TRPC4AP: variants seen among roughly 807,000 people sequenced by gnomAD.
The protein encoded by TRPC4AP is short transient receptor potential channel 4-associated protein.
A neutral mutation model predicts 99.0 loss-of-function variants in TRPC4AP; 45 were observed. That is an observed-to-expected ratio of 0.45 (90% CI 0.36 to 0.58). TRPC4AP has a LOEUF of 0.58. TRPC4AP is among the 20% of genes least tolerant of loss of function. TRPC4AP has a pLI of 0.00. For missense variants in TRPC4AP, 879 were observed against 985.3 expected, an observed-to-expected ratio of 0.89 and a Z score of 1.44; for synonymous variants, 408 against 385.8, an observed-to-expected ratio of 1.06 and a Z score of -0.67.
At chr20:35,067,736 TGAAAA>T (rs2084180479) in intron 3 of TRPC4AP, among the ~76,000 whole-genome samples, 1 of 152,062 alleles carries the variant, frequency 6.6e-6, no homozygotes, top group Non-Finnish European at 1.5e-5. Flanking sequence ...TTACGCTAAG[TGAAAA>T]GAAGCCAGTC....
At position 35,007,546 on chromosome 20, in the gene TRPC4AP, A is replaced by G. The variant is rs376978235; in HGVS notation, c.1686+4T>C. 8 of 1,613,950 alleles carry G rather than the reference A, an allele frequency of 5.0e-6. No homozygotes were observed. Among genetic ancestry groups the G allele is most frequent in the African/African-American group, 4.0e-5 (3 of 74,934 alleles). On this transcript the variant is annotated splice_donor_region_variant and intron_variant, in intron 14 of 18. Coordinates refer to ENST00000252015, the MANE Select transcript of TRPC4AP (RefSeq NM_015638.3). ...CCCAAGACACTGGCTGCTCCAGATC[A>G]TACCTCCAAGAGGCCTCGCTTCAGC... is the stretch of plus-strand genomic sequence containing the variant.
chr20:35,041,847 A>T (rs1179554504), intron 7 of TRPC4AP, among the ~76,000 whole-genome samples: 1 of 152,218 alleles, frequency 6.6e-6, no homozygotes, highest in Non-Finnish European at 1.5e-5. Flanking sequence ...GGGGATACTA[A>T]TCTCTATTCC....
intron 2 of TRPC4AP, among the ~76,000 whole-genome samples, chr20:35,069,797 C>T (rs1302720718): frequency 6.6e-6 from 1 of 152,058 alleles, no homozygotes; most frequent in Non-Finnish European, 1.5e-5. Context: ...AAAAATTAGC[C>T]GGATGTGGTG....
chr20:35,072,605 T>G (rs1165917873), intron 2 of TRPC4AP, among the ~76,000 whole-genome samples: 1 of 152,208 alleles, frequency 6.6e-6, no homozygotes, highest in Non-Finnish European at 1.5e-5. Context: ...TATGCGGCAT[T>G]ATTTCTGAGG....
intron 16 of TRPC4AP, among the ~76,000 whole-genome samples, chr20:35,005,244 TG>T (rs981567532): frequency 2.0e-5 from 3 of 151,742 alleles, no homozygotes; most frequent in Non-Finnish European, 2.9e-5. Context: ...TTTGGGGGTG[TG>T]GGGGGGTCAC....
At chr20:35,040,321 G>A (rs568115460) in intron 7 of TRPC4AP, among the ~76,000 whole-genome samples, 1 of 152,248 alleles carries the variant, frequency 6.6e-6, no homozygotes, top group South Asian at 2.1e-4. Context: ...CCCTCAATGT[G>A]GGCAGGCACC....
intron 3 of TRPC4AP, among the ~76,000 whole-genome samples, chr20:35,065,914 CAAGT>C (rs2145982029): frequency 6.6e-6 from 1 of 152,042 alleles, no homozygotes; most frequent in East Asian, 1.9e-4. Context: ...TTGAGCTAGC[CAAGT>C]AAGTAAATGC....
chr20:35,068,982 A>C lies in TRPC4AP; in HGVS notation c.414+314T>G, dbSNP rs1442667307. Among the ~76,000 whole-genome samples, 11 of 85,192 alleles carry C rather than the reference A, an allele frequency of 1.3e-4. No individual in the cohort carries two copies. In the East Asian group the frequency reaches 2.6e-3, roughly 20 times the overall value. 55.9% of individuals were successfully genotyped at this position (85,192 alleles called of 152,430 possible). ...ACACACACACACACACACACACAAA[A>C]AAAACAAAACATCTTAAGCAGGACA... On this transcript the variant is annotated intron_variant, in intron 3 of 18. Transcript: ENST00000252015.
intron 7 of TRPC4AP, among the ~76,000 whole-genome samples, chr20:35,044,246 C>G (rs185903345): frequency 2.6e-5 from 4 of 151,530 alleles, no homozygotes; most frequent in East Asian, 1.9e-4. Context: ...CAAAAATTAG[C>G]CCGGTGTGGT....
At chr20:35,014,314 A>T (rs955572753) in intron 10 of TRPC4AP, among the ~76,000 whole-genome samples, 2 of 113,190 alleles carry the variant, frequency 1.8e-5, no homozygotes, top group Non-Finnish European at 3.4e-5. Flanking sequence ...CTCAGGCAGA[A>T]TTTTTTTTTT....
rs1028481666 is a variant in TRPC4AP at position 35,042,344 on chromosome 20, A to G, written c.865+2161T>C. Among the ~76,000 whole-genome samples the G allele has an allele frequency of 4.7e-4, 72 of 152,210 alleles. 1 individual carries two copies. Among genetic ancestry groups the G allele is most frequent in the Admixed American group, 4.2e-3 (64 of 15,276 alleles). ...TACAAAGTATAGTTATGATCACCTC[A>G]TGTTCCTAACTAAAACTAGACAATA... On this transcript the variant is annotated intron_variant, in intron 7 of 18. Coordinates refer to ENST00000252015, the MANE Select transcript of TRPC4AP (RefSeq NM_015638.3).
In TRPC4AP at chr20:35,069,360, C is replaced by G. The variant is rs759080326; in HGVS notation, c.350G>C (p.Arg117Thr). ...MEAMAFVTEE[R>T]KLTQETTYPN... ...ATAAGTGGTTTCTTGGGTAAGTTTC[C>G]TCTCTTCAGTAACAAATGCCATAGC... The change falls in exon 3 of 19, where the codon AGG becomes ACG. Residue 117 changes from arginine (R) to threonine (T), a missense_variant. Coordinates refer to ENST00000252015, the MANE Select transcript of TRPC4AP (RefSeq NM_015638.3). 5.0e-6 allele frequency: 8 copies of G among 1,612,838 alleles called. No homozygotes were observed. In the East Asian group the frequency reaches 1.8e-4, roughly 36 times the overall value.
intron 2 of TRPC4AP, among the ~76,000 whole-genome samples, chr20:35,075,359 T>C (rs1044146307): frequency 3.9e-5 from 6 of 152,210 alleles, no homozygotes; most frequent in African/African-American, 1.4e-4. Context: ...GCATCGAAGG[T>C]CTTTACAATT....
At chr20:35,005,149 G>A (rs528176303) in intron 16 of TRPC4AP, among the ~76,000 whole-genome samples, 1 of 152,298 alleles carries the variant, frequency 6.6e-6, no homozygotes, top group Non-Finnish European at 1.5e-5. Flanking sequence ...GGCAGAAAAA[G>A]GAAGCAAACG....
chr20:35,023,127 G>A (rs966027273), intron 8 of TRPC4AP, among the ~76,000 whole-genome samples: 1 of 152,172 alleles, frequency 6.6e-6, no homozygotes, highest in Non-Finnish European at 1.5e-5. Flanking sequence ...ACGACAAGCT[G>A]CTGAATGAAG....
intron 1 of TRPC4AP, among the ~76,000 whole-genome samples, chr20:35,080,394 G>A (rs1416150317): frequency 6.6e-6 from 1 of 151,900 alleles, no homozygotes; most frequent in African/African-American, 2.4e-5. Context: ...CCAGCTACTC[G>A]GGAGGCTGAG....
At chr20:35,043,247 A>AT (rs1167449495) in intron 7 of TRPC4AP, among the ~76,000 whole-genome samples, 7,409 of 142,868 alleles carry the variant, frequency 0.052, 226 homozygotes, top group Non-Finnish European at 0.072. Context: ...GCAATGAATA[A>AT]TTTTTTTTTT....
chr20:35,057,089 A>G (rs1157658357), intron 4 of TRPC4AP, among the ~76,000 whole-genome samples: 3 of 152,122 alleles, frequency 2.0e-5, no homozygotes, highest in African/African-American at 7.2e-5. Flanking sequence ...AGCTTAAGAA[A>G]TAGTGCATAC....
At chr20:35,016,933 T>C (rs1290510264) in intron 9 of TRPC4AP, among the ~76,000 whole-genome samples, 1 of 152,242 alleles carries the variant, frequency 6.6e-6, no homozygotes. Context: ...TTGGGTACAT[T>C]CACACGCTGT....
Sources: gnomAD v4.1 joint callset for allele counts (sites outside exome capture counted in the v4.1 genomes callset) on GRCh38, gnomAD v4.1.1 for gene constraint, MANE v1.5 for transcripts, NCBI Gene and HGNC (gene_info 2026-07-23, HGNC 2026-07-21) for gene names.